The following PRKD2 variants were observed in gnomAD, a reference collection of about 807,000 sequenced individuals.
PRKD2 encodes the protein serine/threonine-protein kinase D2.
In PRKD2, 22 loss-of-function variants were observed where a neutral mutation model predicts 86.0. That is an observed-to-expected ratio of 0.26 (90% CI 0.18 to 0.37). The LOEUF (loss-of-function observed/expected upper bound fraction) is 0.37. Among genes scored for constraint, PRKD2 ranks in the 10% least tolerant of loss-of-function variants. The pLI is 1.00. For missense variants in PRKD2, 818 were observed against 1,199.2 expected, an observed-to-expected ratio of 0.68 and a Z score of 4.70; for synonymous variants, 509 against 510.9, an observed-to-expected ratio of 1.00 and a Z score of 0.05.
At chr19:46,675,182 AC>A (rs1174223371) in intron 16 of PRKD2, 64 bp from the exon 17 acceptor site, 2 of 1,404,988 alleles carry the variant, frequency 1.4e-6, no homozygotes, top group Non-Finnish European at 2.0e-6. Flanking sequence ...TCCAATAGGC[AC>A]CCCCTAGCCT....
intron 14 of PRKD2, among the ~76,000 whole-genome samples, chr19:46,687,644 T>C (rs1001069208): frequency 1.3e-5 from 2 of 152,162 alleles, no homozygotes; most frequent in Non-Finnish European, 2.9e-5. Context: ...ACATAGTAAG[T>C]GCTCAATAAA....
intron 13 of PRKD2, 63 bp from the exon 14 acceptor site, chr19:46,689,761 G>C: frequency 6.3e-7 from 1 of 1,580,138 alleles, no homozygotes; most frequent in Non-Finnish European, 8.7e-7. Flanking sequence ...CAACGGGTCA[G>C]GTATAGGAGC....
At chr19:46,680,946 AT>A (rs1222612655) in intron 15 of PRKD2, among the ~76,000 whole-genome samples, 8,444 of 48,152 alleles carry the variant, frequency 0.18, 604 homozygotes, top group Middle Eastern at 0.36. Flanking sequence ...ATATATATAT[AT>A]TTTTTTTTTT....
intron 15 of PRKD2, among the ~76,000 whole-genome samples, chr19:46,681,080 A>G (rs1263369374): frequency 2.7e-5 from 4 of 149,548 alleles, no homozygotes; most frequent in African/African-American, 7.4e-5. Flanking sequence ...CAGCCTCCCA[A>G]GTAGCTGGGA....
rs780138724 is a variant in PRKD2 at position 46,713,996 on chromosome 19, A to G, written c.246T>C (p.Pro82=). ...LACSIVDQKF[P]ECGFYGLYDK... ...CGTAAAGGCCGTAGAAGCCACACTCAGGGAACTGAGGGGCGGGAGAGGGAT... is the reference window on the plus strand; with the variant it reads ...CGTAAAGGCCGTAGAAGCCACACTCGGGGAACTGAGGGGCGGGAGAGGGAT... Residue 82 remains proline, a synonymous_variant, in exon 2 of 18, where the codon CCT becomes CCC. Coordinates refer to ENST00000291281, the MANE Select transcript of PRKD2 (RefSeq NM_016457.5). The G allele has an allele frequency of 1.9e-5, 31 of 1,613,170 alleles. No homozygotes were observed. The highest frequency in any genetic ancestry group is 2.7e-5 in the African/African-American group (2 of 74,918).
At chr19:46,679,125 T>C (rs1344322729) in intron 15 of PRKD2, among the ~76,000 whole-genome samples, 1 of 151,990 alleles carries the variant, frequency 6.6e-6, no homozygotes, top group Non-Finnish European at 1.5e-5. Context: ...GATGGATCAT[T>C]TGAGGTCAGG....
rs2053163805 is a variant in PRKD2, at chr19:46,674,432, G to C, written c.*91C>G. ...CTCCCCACGTGTCCCATCCAGTTTG[G>C]GCAGGAAGCCACTTTCCCTAGAACA... On this transcript the variant is annotated 3_prime_UTR_variant, in exon 18 of 18. Transcript: ENST00000291281. 1.4e-6 allele frequency: 2 copies of C among 1,391,496 alleles called. No individual in the cohort carries two copies. The highest frequency in any genetic ancestry group is 2.9e-5 in the African/African-American group (2 of 69,580). 86.2% of individuals were successfully genotyped at this position (1,391,496 alleles called of 1,614,324 possible). A position where few individuals can be genotyped will look rare whatever the true frequency, so the allele number is the denominator to read the frequency against.
intron 14 of PRKD2, among the ~76,000 whole-genome samples, chr19:46,687,176 TGAGCCCAG>T (rs1320715853): frequency 2.6e-5 from 4 of 151,896 alleles, no homozygotes; most frequent in Non-Finnish European, 4.4e-5. Context: ...GAGGATCACT[TGAGCCCAG>T]GAGTTGAAGA....
intron 3 of PRKD2, chr19:46,709,348 C>A (rs1599841298): frequency 5.9e-6 from 1 of 169,248 alleles, no homozygotes; most frequent in East Asian, 1.8e-4. Flanking sequence ...GAGAAGGCCC[C>A]ATGGAGGTAT....
At chr19:46,713,648 A>G (rs1176462051) in intron 2 of PRKD2, among the ~76,000 whole-genome samples, 3 of 151,496 alleles carry the variant, frequency 2.0e-5, no homozygotes, top group Non-Finnish European at 4.4e-5. Context: ...AGAAAGGGGT[A>G]GAGATGGAAT....
rs368181665 is a variant in PRKD2 at position 46,678,368 on chromosome 19, G to A, written c.2338+28C>T. On this transcript the variant is annotated intron_variant, in intron 16 of 17. Coordinates refer to ENST00000291281, the MANE Select transcript of PRKD2 (RefSeq NM_016457.5). This position sits in a 1 kb window ranked among gnomAD's most constrained non-coding sequence, Gnocchi z 5.7. ...TCCAGCCCCACCCCACAACCCACCC[G>A]CCCATGGGGTAGGCGGGCCCCAGGC... is the stretch of plus-strand genomic sequence containing the variant. 1.3e-5 allele frequency: 20 copies of A among 1,577,598 alleles called. No individual in the cohort carries two copies. Among genetic ancestry groups the A allele is most frequent in the Admixed American group, 1.0e-4 (6 of 58,826 alleles).
At chr19:46,690,730 G>C (rs779551893) in intron 12 of PRKD2, 24 bp from the exon 13 acceptor site, 6 of 1,603,558 alleles carry the variant, frequency 3.7e-6, no homozygotes, top group South Asian at 1.1e-5. Flanking sequence ...AGAAGAGATG[G>C]GGGATGAGAG....
intron 14 of PRKD2, among the ~76,000 whole-genome samples, chr19:46,689,298 T>C (rs1280795461): frequency 2.0e-5 from 3 of 152,092 alleles, no homozygotes; most frequent in East Asian, 3.9e-4. Flanking sequence ...ATTTTTTGTA[T>C]TTCTAGTAGA....
intron 3 of PRKD2, chr19:46,710,692 C>G: frequency 1.8e-6 from 1 of 547,984 alleles, no homozygotes; most frequent in South Asian, 2.9e-5. Context: ...CTCCTAGGCT[C>G]CGCCCCTAGA....
At position 46,693,884 on chromosome 19, in the gene PRKD2, C is replaced by T. The variant is rs776626136; in HGVS notation, c.1567G>A (p.Ala523Thr). ...AGGTGGGAGGACTTACTGTGGGGCG[C>T]GTGGCCTGGGGCGCTGGGTGCGTCC... ...LQDAPSAPGHAPHRQASLSIS... is the reference protein window; with the variant it reads ...LQDAPSAPGHTPHRQASLSIS... The change falls in exon 10 of 18, where the codon GCG (alanine) becomes ACG (threonine). Residue 523 changes from alanine (A) to threonine (T), a missense_variant. By Grantham distance (58) the Ala-to-Thr change is moderately conservative (BLOSUM62 0). This residue lies in a region of PRKD2 where 154 missense variants were observed against 359.6 expected (regional missense o/e 0.43). Coordinates refer to ENST00000291281, the MANE Select transcript of PRKD2 (RefSeq NM_016457.5). The surrounding 1 kb of genome is among the most constrained non-coding windows in gnomAD (Gnocchi z 4.5). 67 of 1,597,670 alleles carry T rather than the reference C, an allele frequency of 4.2e-5. No homozygotes were observed. In the East Asian group the frequency reaches 4.5e-4, roughly 11 times the overall value.
rs1317458016 is a variant in PRKD2, at chr19:46,689,620, G to T, written c.1888C>A (p.Leu630Met). ...PEKVFVVMEKLHGDMLEMILS... is the reference protein window; with the variant it reads ...PEKVFVVMEKMHGDMLEMILS... ...ATCATCTCCAACATGTCCCCATGCA[G>T]CTTCTCCATCACCACAAACACTTTC... The change falls in exon 14 of 18, where the codon CTG (leucine) becomes ATG (methionine). Residue 630 changes from leucine to methionine, a missense_variant. By Grantham distance (15) the Leu-to-Met change is conservative. Transcript: ENST00000291281. The T allele has an allele frequency of 4.3e-6, 7 of 1,614,166 alleles. No homozygotes were observed. Among genetic ancestry groups the T allele is most frequent in the Admixed American group, 1.7e-5 (1 of 60,004 alleles).
At chr19:46,708,808 G>A (rs536992681) in intron 3 of PRKD2, among the ~76,000 whole-genome samples, 2 of 152,200 alleles carry the variant, frequency 1.3e-5, no homozygotes, top group South Asian at 2.1e-4. Flanking sequence ...TTTAAGCCAC[G>A]CAGGGTGGTA....
rs201079581 is a variant in PRKD2 at position 46,675,773 on chromosome 19, C to CT, written c.2339-656dup. 2.7e-3 allele frequency among the ~76,000 whole-genome samples: 389 copies of CT among 144,418 alleles called. 5 individuals are homozygous for CT. In the East Asian group the frequency reaches 0.035, roughly 13 times the overall value. 94.7% of individuals were successfully genotyped at this position (144,418 alleles called of 152,430 possible). ...ATGGATTTTCAACCTACAATACTTCCTTTTTTTTTTTTGAGACAGGGTCTC... is the reference window on the plus strand; with the variant it reads ...ATGGATTTTCAACCTACAATACTTCCTTTTTTTTTTTTTGAGACAGGGTCTC... On this transcript the variant is annotated intron_variant, in intron 16 of 17. Transcript: ENST00000291281.
At position 46,674,660 on chromosome 19, in the gene PRKD2, C is replaced by T. The variant is rs749135021; in HGVS notation, c.2500G>A (p.Asp834Asn). The change falls in exon 18 of 18, where the codon GAC becomes AAC. Residue 834 changes from aspartate to asparagine, a missense_variant. Asp to Asn is a conservative substitution (Grantham distance 23). Coordinates refer to ENST00000291281, the MANE Select transcript of PRKD2 (RefSeq NM_016457.5). ...GCTGCAAACTGCTCCCAGCGCGCGT[C>T]GTCACTCTCATGCGTGATGTATCGC... is the stretch of plus-strand genomic sequence containing the variant. ...GERYITHESD[D>N]ARWEQFAAEH... is the part of the protein sequence containing the mutation. 3.1e-6 allele frequency: 5 copies of T among 1,606,704 alleles called. No homozygotes were observed. The African/African-American group carries it at 4.0e-5, about 13-fold the overall frequency.
Sources: allele counts gnomAD v4.1 joint callset (sites outside exome capture counted in the v4.1 genomes callset), GRCh38; gene constraint gnomAD v4.1.1; regional missense constraint gnomAD v4.1.1; non-coding constraint Gnocchi (gnomAD v3.1); transcripts MANE v1.5; gene names NCBI Gene and HGNC (gene_info 2026-07-23, HGNC 2026-07-21).